The following PTPN21 variants were observed in gnomAD, a reference collection of about 807,000 sequenced individuals.
The protein encoded by PTPN21 is protein tyrosine phosphatase non-receptor type 21.
A neutral mutation model predicts 131.8 loss-of-function variants in PTPN21; 77 were observed. The observed-to-expected ratio is 0.58, with a 90% CI of 0.49 to 0.71. PTPN21 has a LOEUF of 0.71. Among genes scored for constraint, PTPN21 ranks in the 30% least tolerant of loss-of-function variants. PTPN21 has a pLI of 0.00. For missense variants in PTPN21, 1,552 were observed against 1,527.1 expected (o/e 1.02, Z -0.27); for synonymous variants, 715 against 621.3 (o/e 1.15, Z -2.24).
At chr14:88,477,598 A>C (rs1205310761) in intron 13 of PTPN21, among the ~76,000 whole-genome samples, 1 of 152,024 alleles carries the variant, frequency 6.6e-6, no homozygotes, top group Non-Finnish European at 1.5e-5. Context: ...ATCTTAAAGG[A>C]TGTCATACAC....
At chr14:88,500,925 G>A in intron 7 of PTPN21, 54 bp from the exon 8 acceptor site, 3 of 1,271,236 alleles carry the variant, frequency 2.4e-6, no homozygotes, top group Non-Finnish European at 3.5e-6. Flanking sequence ...CAGAGGAACT[G>A]CTGCTAGAGT....
intron 8 of PTPN21, among the ~76,000 whole-genome samples, chr14:88,498,808 G>T (rs116775256): frequency 1.8e-3 from 274 of 152,068 alleles, no homozygotes; most frequent in African/African-American, 6.6e-3. Context: ...TAATTTTATC[G>T]TATTAGCTTT....
intron 3 of PTPN21, chr14:88,515,264 C>T (rs1008591167): frequency 6.6e-6 from 1 of 152,160 alleles, no homozygotes; most frequent in Non-Finnish European, 1.5e-5. Context: ...TGCTCCTATA[C>T]CTAATCGATG....
intron 2 of PTPN21, among the ~76,000 whole-genome samples, chr14:88,528,265 T>A (rs2078509534): frequency 6.6e-6 from 1 of 152,226 alleles, no homozygotes. Context: ...CAATACTGAT[T>A]CTACCCATCC....
At chr14:88,544,650 G>C (rs1393237302) in intron 2 of PTPN21, among the ~76,000 whole-genome samples, 2 of 152,052 alleles carry the variant, frequency 1.3e-5, no homozygotes, top group South Asian at 2.1e-4. Context: ...ATGCAACCTA[G>C]GTGTTTCTGA....
intron 11 of PTPN21, 49 bp downstream of exon 11, chr14:88,485,733 A>G: frequency 7.3e-7 from 1 of 1,361,696 alleles, no homozygotes; most frequent in Non-Finnish European, 1.0e-6. Flanking sequence ...TTTATTCAGG[A>G]AAAACATCAC....
intron 10 of PTPN21, 64 bp downstream of exon 10, chr14:88,496,349 T>C (rs2077915645): frequency 2.2e-6 from 3 of 1,339,892 alleles, no homozygotes; most frequent in Non-Finnish European, 3.2e-6. Context: ...TGATACAGTA[T>C]ACTCAAGATT....
intron 2 of PTPN21, among the ~76,000 whole-genome samples, chr14:88,537,134 GA>G (rs1470502065): frequency 3.3e-5 from 5 of 152,072 alleles, no homozygotes; most frequent in African/African-American, 1.2e-4. Flanking sequence ...ACAACTAAAT[GA>G]AGACTCAAGA....
At chr14:88,539,465 C>A (rs1453902940) in intron 2 of PTPN21, among the ~76,000 whole-genome samples, 5 of 152,068 alleles carry the variant, frequency 3.3e-5, no homozygotes, top group Non-Finnish European at 7.4e-5. Context: ...TCAGGCTGGT[C>A]TCCAATTCCC....
chr14:88,497,221 C>T lies in PTPN21; in HGVS notation c.834G>A (p.Glu278=). ...TACTCACAGTTTGAAATTGAATGGT[C>T]TCCTCTTTATTTGCCAGCTCTAATG... ...FFALELANKE[E]TIQFQTEDME... is the part of the protein sequence containing the mutation. The change falls in exon 9 of 19, where the codon GAG becomes GAA. Residue 278 remains glutamate, a synonymous_variant. Coordinates refer to ENST00000556564, the MANE Select transcript of PTPN21 (RefSeq NM_007039.4). The T allele has an allele frequency of 6.2e-7, 1 of 1,609,914 alleles. No individual in the cohort carries two copies. The highest frequency in any genetic ancestry group is 8.5e-7 in the Non-Finnish European group (1 of 1,176,244).
In PTPN21 at chr14:88,500,977, T is replaced by C. The variant is rs189090570; in HGVS notation, c.676-106A>G. 259 of 793,794 alleles carry C rather than the reference T, an allele frequency of 3.3e-4. 4 individuals carry two copies. In the African/African-American group the frequency reaches 4.0e-3, roughly 12 times the overall value. 49.2% of individuals were successfully genotyped at this position (793,794 alleles called of 1,614,324 possible). On this transcript the variant is annotated intron_variant, in intron 7 of 18. Transcript: ENST00000556564. ...CCAGATGTAGAAAGTTCCGAAGACC[T>C]ACAGAGTAACTATTCAGGAAGACAA...
rs751614231 is a variant in PTPN21, at chr14:88,479,127, C to T, written c.2304G>A (p.Glu768=). The T allele has an allele frequency of 1.3e-6, 2 of 1,558,084 alleles. No homozygotes were observed. The highest frequency in any genetic ancestry group is 3.9e-5 in the Admixed American group (2 of 51,444). ...CGGGGCTGCTGTCCATCATCCTCTT[C>T]TCCGCGTCTGGGACGTGGGCCTTGG... is the stretch of plus-strand genomic sequence containing the variant. ...LEPKAHVPDA[E]KRMMDSSPVR... Residue 768 remains glutamate, a synonymous_variant, in exon 13 of 19, where the codon GAG becomes GAA. Transcript: ENST00000556564.
intron 10 of PTPN21, among the ~76,000 whole-genome samples, chr14:88,495,264 C>G (rs1432885818): frequency 6.6e-6 from 1 of 152,160 alleles, no homozygotes; most frequent in African/African-American, 2.4e-5. Flanking sequence ...TCTGCCAGCT[C>G]TACCTTCAGA....
intron 6 of PTPN21, 65 bp from the exon 7 acceptor site, chr14:88,501,433 T>C (rs2078005757): frequency 1.5e-6 from 2 of 1,335,916 alleles, no homozygotes; most frequent in Non-Finnish European, 2.2e-6. Flanking sequence ...ATAAAGCTTT[T>C]CTTAAAACCT....
chr14:88,514,184 T>TA (rs1482066459), intron 3 of PTPN21, among the ~76,000 whole-genome samples: 1 of 152,196 alleles, frequency 6.6e-6, no homozygotes, highest in Admixed American at 6.5e-5. Flanking sequence ...ATCTATTTTT[T>TA]ATCTTGTCTT....
intron 2 of PTPN21, among the ~76,000 whole-genome samples, chr14:88,523,815 C>T (rs2078437197): frequency 6.6e-6 from 1 of 151,108 alleles, no homozygotes; most frequent in Admixed American, 6.6e-5. Context: ...GATCAACATG[C>T]AAAAATCAGC....
At chr14:88,522,368 G>A (rs1197741934) in intron 2 of PTPN21, among the ~76,000 whole-genome samples, 1 of 147,442 alleles carries the variant, frequency 6.8e-6, no homozygotes, top group Non-Finnish European at 1.5e-5. Flanking sequence ...GTGGAAGTGA[G>A]CTGAGAGCAT....
At chr14:88,478,414 C>T (rs1000987443) in intron 13 of PTPN21, among the ~76,000 whole-genome samples, 3 of 152,164 alleles carry the variant, frequency 2.0e-5, no homozygotes, top group Admixed American at 1.3e-4. Flanking sequence ...TGGAGAATCA[C>T]GGCCAAGATA....
chr14:88,479,929 T>C lies in PTPN21; in HGVS notation c.1502A>G (p.Gln501Arg). Residue 501 changes from glutamine (Q) to arginine (R), a missense_variant, in exon 13 of 19, where the codon CAG becomes CGG. This residue lies in a region of PTPN21 where 1,016 missense variants were observed against 883.5 expected (regional missense o/e 1.15). Coordinates refer to ENST00000556564, the MANE Select transcript of PTPN21 (RefSeq NM_007039.4). Reference sequence around the variant, plus strand: ...GTGTGCGGCCGCTGGCGAGGGGAGCTGTGCGTGCTCGCGGATCTCGGGCTG... The same window carrying C: ...GTGTGCGGCCGCTGGCGAGGGGAGCCGTGCGTGCTCGCGGATCTCGGGCTG... ...YSQPEIREHA[Q>R]LPSPAAAHCP... 1 of 1,604,922 alleles carries C rather than the reference T, an allele frequency of 6.2e-7. No individual in the cohort carries two copies. The highest frequency in any genetic ancestry group is 2.2e-5 in the East Asian group (1 of 44,848).
Sources: allele counts gnomAD v4.1 joint callset (sites outside exome capture counted in the v4.1 genomes callset), GRCh38; gene constraint gnomAD v4.1.1; regional missense constraint gnomAD v4.1.1; transcripts MANE v1.5; gene names NCBI Gene and HGNC (gene_info 2026-07-23, HGNC 2026-07-21).